The following KCNIP4 variants were observed in gnomAD, a reference collection of about 807,000 sequenced individuals.
KCNIP4 encodes the protein potassium voltage-gated channel interacting protein 4, also known as Kv channel-interacting protein 4.
A neutral mutation model predicts 34.0 loss-of-function variants in KCNIP4; 12 were observed. The ratio of observed to expected loss-of-function variants is 0.35; its 90% CI spans 0.23 to 0.57. The LOEUF (loss-of-function observed/expected upper bound fraction) is 0.57, where lower values mean the gene tolerates loss of function less well. Among genes scored for constraint, KCNIP4 ranks in the 20% least tolerant of loss-of-function variants. The probability of loss-of-function intolerance (pLI) is 0.83; values close to 1 mark genes in which losing one functional copy is unlikely to be tolerated. For missense variants in KCNIP4, 238 were observed against 311.7 expected (o/e 0.76, Z 1.78); for synonymous variants, 124 against 102.2 (o/e 1.21, Z -1.29).
intron 3 of KCNIP4, among the ~76,000 whole-genome samples, chr4:20,835,147 G>GT (rs1416386273): frequency 2.0e-5 from 3 of 152,108 alleles, no homozygotes; most frequent in Non-Finnish European, 4.4e-5. Flanking sequence ...TTCAATGCCT[G>GT]TTTTTTGAAG....
chr4:21,430,637 T>C, intron 1 of KCNIP4, among the ~76,000 whole-genome samples: 1 of 152,118 alleles, frequency 6.6e-6, no homozygotes, highest in Non-Finnish European at 1.5e-5. Context: ...ATGTCAACTG[T>C]TCTTCCTTTT....
intron 3 of KCNIP4, among the ~76,000 whole-genome samples, chr4:20,809,221 T>G (rs187871320): frequency 2.0e-5 from 3 of 152,302 alleles, no homozygotes; most frequent in Admixed American, 2.0e-4. Context: ...TGGAAACCAC[T>G]CTGACAGATT....
At chr4:21,820,285 G>GTATATATATATATATATATATA (rs869204752) in intron 1 of KCNIP4, among the ~76,000 whole-genome samples, 1 of 20,658 alleles carries the variant, frequency 4.8e-5, no homozygotes, top group African/African-American at 9.5e-5. Flanking sequence ...GTGTGTGTGT[G>GTATATATATATATATATATATA]TATATATATA....
At chr4:20,850,791 C>A in intron 2 of KCNIP4, 124 bp from the exon 3 acceptor site, 1 of 1,064,822 alleles carries the variant, frequency 9.4e-7, no homozygotes, top group Admixed American at 2.8e-5. Flanking sequence ...GAGGAAGGAC[C>A]CTCACAATGC....
chr4:20,905,521 T>TG lies in KCNIP4; in HGVS notation c.62-22813_62-22812insC, dbSNP rs1577345055. On this transcript the variant is annotated intron_variant, in intron 1 of 8. Transcript: ENST00000382152. Reference sequence around the variant, plus strand: ...GAACGTTTTCTTTCTTTTTTTTTTTTTTTTGTTTGAGATGGAGTCTTGCTC... The same window carrying TG: ...GAACGTTTTCTTTCTTTTTTTTTTTTGTTTTGTTTGAGATGGAGTCTTGCTC... Among the ~76,000 whole-genome samples the TG allele has an allele frequency of 1.6e-5, 2 of 122,620 alleles. 1 individual carries two copies. Among genetic ancestry groups the TG allele is most frequent in the Non-Finnish European group, 3.5e-5 (2 of 56,848 alleles). 80.4% of individuals were successfully genotyped at this position (122,620 alleles called of 152,430 possible). A position where few individuals can be genotyped will look rare whatever the true frequency, so the allele number is the denominator to read the frequency against.
chr4:21,465,407 T>C (rs1364649119), intron 1 of KCNIP4, among the ~76,000 whole-genome samples: 1 of 152,130 alleles, frequency 6.6e-6, no homozygotes, highest in African/African-American at 2.4e-5. Context: ...TTTCCTTACC[T>C]CCATCAATTT....
At chr4:21,204,400 T>A (rs1232489419) in intron 1 of KCNIP4, among the ~76,000 whole-genome samples, 1 of 152,180 alleles carries the variant, frequency 6.6e-6, no homozygotes, top group Non-Finnish European at 1.5e-5. Context: ...ATCAAAAAGC[T>A]GTAGTTTTTT....
At chr4:21,870,481 A>G (rs1560776920) in intron 1 of KCNIP4, among the ~76,000 whole-genome samples, 1 of 152,200 alleles carries the variant, frequency 6.6e-6, no homozygotes. Flanking sequence ...TATGCTACTG[A>G]TACATGTGAT....
chr4:20,922,452 G>T (rs941156887), intron 1 of KCNIP4, among the ~76,000 whole-genome samples: 3 of 152,194 alleles, frequency 2.0e-5, no homozygotes, highest in Middle Eastern at 3.4e-3. Flanking sequence ...TACACTACTG[G>T]CTATCCTGGT....
At chr4:20,864,088 ATG>A (rs1229765794) in intron 2 of KCNIP4, among the ~76,000 whole-genome samples, 19 of 144,180 alleles carry the variant, frequency 1.3e-4, no homozygotes, top group Non-Finnish European at 2.8e-4. Flanking sequence ...ATGTATGTAT[ATG>A]CATGTATACG....
intron 1 of KCNIP4, among the ~76,000 whole-genome samples, chr4:21,793,906 T>C (rs1720453278): frequency 6.6e-6 from 1 of 152,164 alleles, no homozygotes; most frequent in Non-Finnish European, 1.5e-5. Context: ...AATGATAGAC[T>C]GGATTAAGAA....
chr4:21,568,878 G>T (rs1001175551), intron 1 of KCNIP4, among the ~76,000 whole-genome samples: 1 of 152,048 alleles, frequency 6.6e-6, no homozygotes, highest in African/African-American at 2.4e-5. Context: ...TATCCTGTTA[G>T]TTGTGTCCCT....
chr4:21,564,652 GA>G (rs1388538543), intron 1 of KCNIP4, among the ~76,000 whole-genome samples: 1 of 152,046 alleles, frequency 6.6e-6, no homozygotes, highest in East Asian at 1.9e-4. Flanking sequence ...AGAGATACCT[GA>G]GGCTGGGTAA....
At chr4:20,868,356 G>A (rs116525732) in intron 2 of KCNIP4, among the ~76,000 whole-genome samples, 1,597 of 152,156 alleles carry the variant, frequency 0.01, 23 homozygotes, top group African/African-American at 0.037. Context: ...ATGCTGGTGA[G>A]GCTGCAGAGT....
At chr4:21,237,007 G>GA (rs370053593) in intron 1 of KCNIP4, among the ~76,000 whole-genome samples, 15,142 of 135,944 alleles carry the variant, frequency 0.11, 1,979 homozygotes, top group African/African-American at 0.32. Flanking sequence ...CTCCATCATG[G>GA]AAAAAAAAAA....
At chr4:21,233,971 T>C (rs1759009138) in intron 1 of KCNIP4, among the ~76,000 whole-genome samples, 1 of 137,508 alleles carries the variant, frequency 7.3e-6, no homozygotes, top group African/African-American at 2.7e-5. Flanking sequence ...ACATATATTA[T>C]ATAACATATA....
rs549641674 is a variant in KCNIP4 at position 21,245,962 on chromosome 4, G to A, written c.62-363253C>T. On this transcript the variant is annotated intron_variant, in intron 1 of 8. Transcript: ENST00000382152. ...AAATACCCGGAGGAGTTTTCTTAAT[G>A]AAGAGGAAATATTCCGACATATGAC... is the stretch of plus-strand genomic sequence containing the variant. Among the ~76,000 whole-genome samples the A allele has an allele frequency of 1.9e-3, 288 of 152,276 alleles. 1 individual carries two copies. Among genetic ancestry groups the A allele is most frequent in the South Asian group, 5.6e-3 (27 of 4,822 alleles).
At chr4:21,540,784 CT>C (rs1388423928) in intron 1 of KCNIP4, among the ~76,000 whole-genome samples, 1 of 152,112 alleles carries the variant, frequency 6.6e-6, no homozygotes, top group East Asian at 1.9e-4. Context: ...TTTGGAGGCC[CT>C]GCTGTAGGTG....
At chr4:21,108,571 A>G (rs577172163) in intron 1 of KCNIP4, among the ~76,000 whole-genome samples, 1 of 151,452 alleles carries the variant, frequency 6.6e-6, no homozygotes, top group Non-Finnish European at 1.5e-5. Context: ...GAGTAGTTTG[A>G]TCATCTGAAG....
Sources: allele counts gnomAD v4.1 joint callset (sites outside exome capture counted in the v4.1 genomes callset), GRCh38; gene constraint gnomAD v4.1.1; transcripts MANE v1.5; gene names NCBI Gene and HGNC (gene_info 2026-07-23, HGNC 2026-07-21).